The following RYR2 variants were observed in gnomAD, a reference collection of about 807,000 sequenced individuals.
RYR2 encodes cardiac muscle ryanodine receptor-calcium release channel.
Under a neutral mutation model 601.1 loss-of-function variants are expected in RYR2, and 227 were observed. The ratio of observed to expected loss-of-function variants is 0.38; its 90% CI spans 0.34 to 0.42. The LOEUF is 0.42. Ranked by LOEUF, RYR2 falls within the 10% of genes least tolerant of loss-of-function variation. The pLI, the probability that RYR2 is intolerant of heterozygous loss-of-function variation, is 1.00. For missense variants in RYR2, 4,646 were observed against 6,156.5 expected, an observed-to-expected ratio of 0.75 and a Z score of 8.21; for synonymous variants, 2,223 against 2,175.1, an observed-to-expected ratio of 1.02 and a Z score of -0.61.
chr1:237,791,316 A>G lies in RYR2; in HGVS notation c.13477-113A>G, dbSNP rs148777701. On this transcript the variant is annotated intron_variant, in intron 92 of 104. Transcript: ENST00000366574. The stretch of plus-strand genomic sequence containing the variant: ...CAGCACCAAGAATGGTGCTTGAAAC[A>G]GTAGGCTTGCGATCAATTGTTTGGG... The G allele has an allele frequency of 1.8e-5, 12 of 674,676 alleles. No homozygotes were observed. The East Asian group carries it at 3.0e-4, about 17-fold the overall frequency. The allele number at this position is 674,676 out of a possible 1,614,324, so 41.8% of individuals were successfully genotyped here.
At position 237,148,526 on chromosome 1, in the gene RYR2, AAATAT is replaced by A. The variant is rs1217153460; in HGVS notation, c.48+105959_48+105963del. ...CCCAGAACTTCAAGTAAAAAAAAAA[AAATAT>A]ATATATATATATATATATATATACA... On this transcript the variant is annotated intron_variant, in intron 1 of 104. Coordinates refer to ENST00000366574, the MANE Select transcript of RYR2 (RefSeq NM_001035.3). Among the ~76,000 whole-genome samples the A allele has an allele frequency of 8.3e-3, 661 of 79,758 alleles. 8 individuals are homozygous for A. The highest frequency in any genetic ancestry group is 0.012 in the Middle Eastern group (2 of 162). The allele number at this position is 79,758 out of a possible 152,430, so 52.3% of individuals were successfully genotyped here.
intron 20 of RYR2, among the ~76,000 whole-genome samples, chr1:237,497,123 C>A (rs1664152657): frequency 6.6e-6 from 1 of 152,042 alleles, no homozygotes; most frequent in Non-Finnish European, 1.5e-5. Flanking sequence ...ATGTTTAAAG[C>A]TTTAGTTGCC....
intron 83 of RYR2, among the ~76,000 whole-genome samples, chr1:237,760,429 T>A (rs972779594): frequency 6.6e-6 from 1 of 151,708 alleles, no homozygotes; most frequent in Non-Finnish European, 1.5e-5. Context: ...TAGCGTATAT[T>A]CTGCATACTT....
intron 100 of RYR2, among the ~76,000 whole-genome samples, chr1:237,810,057 C>A (rs1661093627): frequency 6.6e-6 from 1 of 151,962 alleles, no homozygotes; most frequent in Non-Finnish European, 1.5e-5. Flanking sequence ...AAGGAATAAT[C>A]ACAAGACAGA....
chr1:237,527,495 C>G (rs546699513), intron 24 of RYR2, among the ~76,000 whole-genome samples: 1 of 152,272 alleles, frequency 6.6e-6, no homozygotes, highest in Admixed American at 6.5e-5. Flanking sequence ...TCTTTTTACC[C>G]TTAACCTATA....
intron 2 of RYR2, among the ~76,000 whole-genome samples, chr1:237,328,931 G>A (rs997536106): frequency 6.6e-6 from 1 of 152,118 alleles, no homozygotes; most frequent in Non-Finnish European, 1.5e-5. Context: ...TGTGTTTAAT[G>A]TATTTGTAAT....
chr1:237,247,276 T>A (rs1034497565), intron 1 of RYR2, among the ~76,000 whole-genome samples: 2 of 152,224 alleles, frequency 1.3e-5, no homozygotes, highest in Admixed American at 6.5e-5. Context: ...AATAATTGTT[T>A]CTTTAAAAAC....
chr1:237,415,904 C>T (rs766340123), intron 10 of RYR2, among the ~76,000 whole-genome samples: 3 of 152,268 alleles, frequency 2.0e-5, no homozygotes, highest in Middle Eastern at 3.4e-3. Context: ...ACAGGTAAAA[C>T]GCGGTTGTCC....
chr1:237,397,787 T>C (rs1157147382), intron 10 of RYR2, among the ~76,000 whole-genome samples: 4 of 151,064 alleles, frequency 2.6e-5, no homozygotes, highest in East Asian at 3.9e-4. Flanking sequence ...AGTGGCGCCA[T>C]CTCGGCTCAC....
intron 2 of RYR2, among the ~76,000 whole-genome samples, chr1:237,322,765 TATC>T (rs1285199500): frequency 6.6e-6 from 1 of 151,958 alleles, no homozygotes; most frequent in Non-Finnish European, 1.5e-5. Flanking sequence ...TGATCCTTGT[TATC>T]ATGAATAGGC....
intron 25 of RYR2, among the ~76,000 whole-genome samples, chr1:237,536,885 C>CAAAAAAAAAAAAAAAA (rs540538447): frequency 2.1e-5 from 3 of 139,574 alleles, no homozygotes; most frequent in African/African-American, 8.0e-5. Context: ...GACTCCATCT[C>CAAAAAAAAAAAAAAAA]AAAAAAAAAA....
Position 237,355,988 on chromosome 1 carries a change from A to G in RYR2, c.294+3A>G, listed in dbSNP as rs1321804058. On this transcript the variant is annotated splice_donor_region_variant and intron_variant, in intron 4 of 104. Coordinates refer to ENST00000366574, the MANE Select transcript of RYR2 (RefSeq NM_001035.3). ...AGCAAGTTGATGTGGAAAAATGGGT[A>G]TGTGTTTCCATGTATTTGCAAAGAA... 6.2e-6 allele frequency: 10 copies of G among 1,606,066 alleles called. No individual in the cohort carries two copies. The African/African-American group carries it at 9.4e-5, about 15-fold the overall frequency.
At chr1:237,319,166 C>T (rs1166914425) in intron 2 of RYR2, among the ~76,000 whole-genome samples, 1 of 152,024 alleles carries the variant, frequency 6.6e-6, no homozygotes, top group Non-Finnish European at 1.5e-5. Context: ...ATTTTTGCAT[C>T]CTTTTTGATA....
chr1:237,168,974 T>C (rs1353036074), intron 1 of RYR2, among the ~76,000 whole-genome samples: 3 of 152,160 alleles, frequency 2.0e-5, no homozygotes, highest in Admixed American at 2.0e-4. Flanking sequence ...AAGAACAGAG[T>C]TGATTACATG....
At chr1:237,429,038 T>TC (rs1185848075) in intron 12 of RYR2, among the ~76,000 whole-genome samples, 1 of 151,728 alleles carries the variant, frequency 6.6e-6, no homozygotes, top group Admixed American at 6.6e-5. Flanking sequence ...TCAGGAATAT[T>TC]GCAGGGCTGA....
At chr1:237,726,205 C>A in intron 74 of RYR2, 68 bp from the exon 75 acceptor site, 1 of 1,053,122 alleles carries the variant, frequency 9.5e-7, no homozygotes, top group Non-Finnish European at 1.4e-6. Flanking sequence ...ATTTTTGACT[C>A]TTTACTGCAA....
chr1:237,792,407 G>GTGTA, intron 94 of RYR2, 84 bp downstream of exon 94: 1 of 719,402 alleles, frequency 1.4e-6, no homozygotes, highest in South Asian at 2.4e-5. Flanking sequence ...GCGTGTGTGT[G>GTGTA]TGTGTGTGTG....
At chr1:237,053,825 A>C (rs925246569) in intron 1 of RYR2, among the ~76,000 whole-genome samples, 4 of 152,188 alleles carry the variant, frequency 2.6e-5, no homozygotes, top group African/African-American at 9.7e-5. Flanking sequence ...GTGTCCCAGG[A>C]GTACCATTAT....
At chr1:237,291,972 T>A (rs1236366072) in intron 2 of RYR2, among the ~76,000 whole-genome samples, 2 of 152,198 alleles carry the variant, frequency 1.3e-5, no homozygotes, top group African/African-American at 4.8e-5. Context: ...GCGGTGTCAC[T>A]TTGATGAAAG....
Sources: gnomAD v4.1 joint callset for allele counts (sites outside exome capture counted in the v4.1 genomes callset) on GRCh38, gnomAD v4.1.1 for gene constraint, MANE v1.5 for transcripts, NCBI Gene and HGNC (gene_info 2026-07-23, HGNC 2026-07-21) for gene names.